RUNX1: variants seen among roughly 807,000 people sequenced by gnomAD.
The protein encoded by RUNX1 is runt-related transcription factor 1.
RUNX1 carries 19 observed loss-of-function variants against 42.8 expected under a neutral mutation model. The ratio of observed to expected loss-of-function variants is 0.44; its 90% CI spans 0.31 to 0.65. The LOEUF (loss-of-function observed/expected upper bound fraction) is 0.65, where lower values mean the gene tolerates loss of function less well. Among genes scored for constraint, RUNX1 ranks in the 30% least tolerant of loss-of-function variants. The pLI is 0.07. For synonymous variants in RUNX1, 271 were observed against 289.4 expected, an observed-to-expected ratio of 0.94 and a Z score of 0.64; for missense variants, 528 against 672.0, an observed-to-expected ratio of 0.79 and a Z score of 2.37.
Position 34,804,207 on chromosome 21 carries a change from T to C in RUNX1, c.806-4745A>G, listed in dbSNP as rs544799090. Among the ~76,000 whole-genome samples the C allele has an allele frequency of 2.9e-4, 44 of 152,344 alleles. No homozygotes were observed. In the South Asian group the frequency reaches 8.3e-3, roughly 29 times the overall value. ...TTGCTAGAGGCTCAGTACAGACTAG[T>C]GTGCGAATAAGACACTCCTAGGGGC... On this transcript the variant is annotated intron_variant, in intron 7 of 8. Coordinates refer to ENST00000675419, the MANE Select transcript of RUNX1 (RefSeq NM_001754.5).
At chr21:34,797,423 A>T (rs933454244) in intron 8 of RUNX1, among the ~76,000 whole-genome samples, 4 of 152,228 alleles carry the variant, frequency 2.6e-5, no homozygotes, top group African/African-American at 7.2e-5. Flanking sequence ...AGTCAGCTGG[A>T]GGAGTTGGCC....
At chr21:34,856,063 C>T (rs2834651) in intron 6 of RUNX1, among the ~76,000 whole-genome samples, 90,086 of 152,128 alleles carry the variant, frequency 0.59, 28,820 homozygotes, top group East Asian at 0.87. Context: ...CCATCTGAAA[C>T]GAAAAACACT....
chr21:34,929,244 G>T (rs1227619340), intron 2 of RUNX1, among the ~76,000 whole-genome samples: 1 of 152,130 alleles, frequency 6.6e-6, no homozygotes, highest in Non-Finnish European at 1.5e-5. Flanking sequence ...TTTATTTAGG[G>T]ATTTGGTTAT....
chr21:35,024,041 A>G (rs2059218764), intron 2 of RUNX1, among the ~76,000 whole-genome samples: 2 of 152,088 alleles, frequency 1.3e-5, no homozygotes, highest in South Asian at 2.1e-4. Flanking sequence ...ATAAATATTT[A>G]GCCTGGCACA....
intron 5 of RUNX1, among the ~76,000 whole-genome samples, chr21:34,869,776 A>T (rs1482756890): frequency 6.6e-6 from 1 of 152,224 alleles, no homozygotes; most frequent in Non-Finnish European, 1.5e-5. Context: ...GGGTGGAGGC[A>T]GCAATGATCA....
intron 7 of RUNX1, among the ~76,000 whole-genome samples, chr21:34,799,843 A>G (rs890762221): frequency 5.3e-5 from 8 of 152,212 alleles, no homozygotes; most frequent in East Asian, 1.9e-4. Context: ...AATAATTACA[A>G]TTATCATCAT....
intron 2 of RUNX1, among the ~76,000 whole-genome samples, chr21:35,003,560 T>C (rs1336249380): frequency 6.6e-6 from 1 of 152,192 alleles, no homozygotes; most frequent in Non-Finnish European, 1.5e-5. Context: ...CCATGTCTTA[T>C]ATTAAATAGA....
chr21:34,904,091 C>T (rs569969352), intron 2 of RUNX1, among the ~76,000 whole-genome samples: 5 of 152,222 alleles, frequency 3.3e-5, no homozygotes, highest in Admixed American at 6.5e-5. Flanking sequence ...GCGGAGACTT[C>T]TCATAAAACA....
intron 2 of RUNX1, among the ~76,000 whole-genome samples, chr21:35,008,439 CAA>C (rs893050207): frequency 4.6e-5 from 7 of 152,172 alleles, no homozygotes; most frequent in African/African-American, 1.7e-4. Context: ...GAGGCAAAGA[CAA>C]GGGTCAACCT....
rs183649741 is a variant in RUNX1 at position 34,791,573 on chromosome 21, T to C, written c.*562A>G. ...AGCAAGCTCAATTTATATATATTTA[T>C]ATAAACGTATATAAAAATAAAAACC... On this transcript the variant is annotated 3_prime_UTR_variant, in exon 9 of 9. Transcript: ENST00000675419. The C allele has an allele frequency of 8.7e-6, 2 of 229,402 alleles. No individual in the cohort carries two copies. The highest frequency in any genetic ancestry group is 1.7e-5 in the Non-Finnish European group (2 of 115,600). 14.2% of individuals were successfully genotyped at this position (229,402 alleles called of 1,614,324 possible).
chr21:35,026,065 G>C (rs1430318986), intron 2 of RUNX1, among the ~76,000 whole-genome samples: 2 of 152,152 alleles, frequency 1.3e-5, no homozygotes, highest in Non-Finnish European at 1.5e-5. Context: ...CTCTTCCAAA[G>C]GGACTCAATC....
chr21:34,828,977 T>C (rs2146041115), intron 7 of RUNX1, among the ~76,000 whole-genome samples: 1 of 152,356 alleles, frequency 6.6e-6, no homozygotes, highest in Middle Eastern at 3.4e-3. Context: ...GTGTTAACCA[T>C]GGGCTGGCTC....
chr21:34,888,545 A>T (rs2058031483), intron 3 of RUNX1: 2 of 1,064,046 alleles, frequency 1.9e-6, no homozygotes, highest in African/African-American at 3.3e-5. Flanking sequence ...AACGCAGGCC[A>T]AGGAGAAGCA....
In RUNX1 at chr21:34,792,062, G is replaced by A; in HGVS notation, c.*73C>T. On this transcript the variant is annotated 3_prime_UTR_variant, in exon 9 of 9. Transcript: ENST00000675419. This position sits in a 1 kb window ranked among gnomAD's most constrained non-coding sequence, Gnocchi z 6.9. ...GGCCCGGGATCCCGGCGGGCTTGTC[G>A]CGAACAGGAGGCCCGCGCGCCCGGA... 9.9e-7 allele frequency: 1 copy of A among 1,006,742 alleles called. No homozygotes were observed. Among genetic ancestry groups the A allele is most frequent in the South Asian group, 2.0e-5 (1 of 50,794 alleles). The allele number at this position is 1,006,742 out of a possible 1,614,324, so 62.4% of individuals were successfully genotyped here.
chr21:34,934,553 T>C (rs985835706), intron 2 of RUNX1, among the ~76,000 whole-genome samples: 2 of 152,164 alleles, frequency 1.3e-5, no homozygotes, highest in African/African-American at 4.8e-5. Context: ...TGATGGAAGC[T>C]TGGCCTTGGA....
chr21:34,966,890 T>C (rs1462363536), intron 2 of RUNX1, among the ~76,000 whole-genome samples: 1 of 152,020 alleles, frequency 6.6e-6, no homozygotes, highest in African/African-American at 2.4e-5. Context: ...GTTCTCTTCA[T>C]GAAAATGTGC....
intron 2 of RUNX1, among the ~76,000 whole-genome samples, chr21:34,922,680 C>T (rs1334426167): frequency 6.6e-6 from 1 of 152,140 alleles, no homozygotes; most frequent in South Asian, 2.1e-4. Context: ...TGCTGGAGTC[C>T]CCCCTGGTGG....
intron 2 of RUNX1, among the ~76,000 whole-genome samples, chr21:34,924,714 T>G (rs76646604): frequency 6.6e-6 from 1 of 152,214 alleles, no homozygotes; most frequent in African/African-American, 2.4e-5. Flanking sequence ...AAATTTCCAT[T>G]TCTTCCCTGT....
At chr21:34,861,411 C>T (rs192294337) in intron 5 of RUNX1, among the ~76,000 whole-genome samples, 13 of 152,322 alleles carry the variant, frequency 8.5e-5, no homozygotes, top group Admixed American at 3.3e-4. Context: ...ATGACAGCCA[C>T]AGACGGGGAG....
Sources: gnomAD v4.1 joint callset for allele counts (sites outside exome capture counted in the v4.1 genomes callset) on GRCh38, gnomAD v4.1.1 for gene constraint, Gnocchi (gnomAD v3.1) non-coding constraint, MANE v1.5 for transcripts, NCBI Gene and HGNC (gene_info 2026-07-23, HGNC 2026-07-21) for gene names.